Variants in GAREM1 observed in about 807,000 individuals in gnomAD.
GAREM1 encodes GRB2-associated and regulator of MAPK protein 1.
A neutral mutation model predicts 71.3 loss-of-function variants in GAREM1; 26 were observed. The observed-to-expected ratio is 0.36, with a 90% CI of 0.27 to 0.51. The LOEUF is 0.51. Ranked by LOEUF, GAREM1 falls within the 20% of genes least tolerant of loss-of-function variation. The pLI, the probability that GAREM1 is intolerant of heterozygous loss-of-function variation, is 0.95. For missense variants in GAREM1, 1,026 were observed against 1,103.1 expected (o/e 0.93, Z 0.99); for synonymous variants, 440 against 433.2 (o/e 1.02, Z -0.20).
intron 2 of GAREM1, among the ~76,000 whole-genome samples, chr18:32,378,053 T>TGC (rs1567986665): frequency 2.8e-5 from 4 of 141,666 alleles, no homozygotes; most frequent in South Asian, 2.2e-4. Context: ...TGTGTGTGTG[T>TGC]GTGTGCGCGC....
At chr18:32,314,755 A>G (rs915807371) in intron 2 of GAREM1, among the ~76,000 whole-genome samples, 1 of 151,836 alleles carries the variant, frequency 6.6e-6, no homozygotes, top group African/African-American at 2.4e-5. Context: ...TGCCTGGCTA[A>G]TTTTTGTATT....
At chr18:32,455,659 A>C (rs953447416) in intron 1 of GAREM1, among the ~76,000 whole-genome samples, 1 of 152,182 alleles carries the variant, frequency 6.6e-6, no homozygotes, top group Non-Finnish European at 1.5e-5. Flanking sequence ...ACCAGGGTAC[A>C]TGGGCTTCAA....
chr18:32,397,041 A>T (rs1241747187), intron 1 of GAREM1, among the ~76,000 whole-genome samples: 1 of 152,232 alleles, frequency 6.6e-6, no homozygotes, highest in East Asian at 1.9e-4. Context: ...CCAGAATTTC[A>T]TATCTAGTCA....
chr18:32,381,993 A>C (rs904333916), intron 2 of GAREM1, among the ~76,000 whole-genome samples: 3 of 152,148 alleles, frequency 2.0e-5, no homozygotes, highest in African/African-American at 7.2e-5. Context: ...AGCACTCACA[A>C]TCACCATTCC....
intron 3 of GAREM1, among the ~76,000 whole-genome samples, chr18:32,294,373 A>G (rs1225345684): frequency 6.6e-6 from 1 of 152,240 alleles, no homozygotes; most frequent in Non-Finnish European, 1.5e-5. Context: ...GAATCTGGCT[A>G]AAGTGATAGG....
chr18:32,278,779 A>G (rs1027441964), intron 4 of GAREM1, among the ~76,000 whole-genome samples: 20 of 152,256 alleles, frequency 1.3e-4, no homozygotes, highest in African/African-American at 4.8e-4. Flanking sequence ...AAGTTTTATA[A>G]TGACAAAGTA....
At chr18:32,381,925 G>A (rs1274949741) in intron 2 of GAREM1, among the ~76,000 whole-genome samples, 1 of 152,118 alleles carries the variant, frequency 6.6e-6, no homozygotes, top group African/African-American at 2.4e-5. Flanking sequence ...CCCACTCCTA[G>A]ACAGCTGTCA....
chr18:32,266,140 T>C lies in GAREM1; in HGVS notation c.*1731A>G, dbSNP rs1473378523. The C allele has an allele frequency of 6.6e-6, 1 of 151,868 alleles. No homozygotes were observed. The highest frequency in any genetic ancestry group is 6.6e-5 in the Admixed American group (1 of 15,248). The allele number at this position is 151,868 out of a possible 1,614,324, so 9.4% of individuals were successfully genotyped here. ...AGAAAAAAAATGCTTTTTTTTTTGA[T>C]AAAGGAGATCTAAGATGGAAAATTG... On this transcript the variant is annotated 3_prime_UTR_variant, in exon 6 of 6. Transcript: ENST00000269209.
intron 1 of GAREM1, among the ~76,000 whole-genome samples, chr18:32,418,732 T>C (rs1406012212): frequency 2.6e-5 from 4 of 151,428 alleles, no homozygotes; most frequent in Non-Finnish European, 5.9e-5. Flanking sequence ...AAGAAACGAG[T>C]AGGGTTCTCT....
intron 1 of GAREM1, among the ~76,000 whole-genome samples, chr18:32,402,721 T>A (rs1270455687): frequency 1.3e-5 from 2 of 152,136 alleles, no homozygotes; most frequent in Non-Finnish European, 2.9e-5. Context: ...TAACTTTTAT[T>A]CGGAGTCCTA....
At chr18:32,460,944 A>G (rs2048949575) in intron 1 of GAREM1, among the ~76,000 whole-genome samples, 1 of 152,208 alleles carries the variant, frequency 6.6e-6, no homozygotes, top group Non-Finnish European at 1.5e-5. Flanking sequence ...AAGGTGAAAA[A>G]TCGAAAAATG....
rs1438189881 is a variant in GAREM1, at chr18:32,364,022, A to T, written c.262+28873T>A. Among the ~76,000 whole-genome samples, 375 of 52,042 alleles carry T rather than the reference A, an allele frequency of 7.2e-3. 16 individuals are homozygous for T. Among genetic ancestry groups the T allele is most frequent in the African/African-American group, 0.038 (258 of 6,856 alleles). 34.1% of individuals were successfully genotyped at this position (52,042 alleles called of 152,430 possible). ...TATATATATATATATATATATATAT[A>T]TATATGTTTTTTTTTTTTTTTTTTT... On this transcript the variant is annotated intron_variant, in intron 2 of 5. Transcript: ENST00000269209.
intron 3 of GAREM1, among the ~76,000 whole-genome samples, chr18:32,297,630 T>C (rs763389053): frequency 1.6e-4 from 24 of 152,258 alleles, no homozygotes; most frequent in African/African-American, 2.7e-4. Context: ...TTATTGACTA[T>C]GTTATCCCAG....
At chr18:32,435,321 T>C (rs2048664924) in intron 1 of GAREM1, among the ~76,000 whole-genome samples, 1 of 152,146 alleles carries the variant, frequency 6.6e-6, no homozygotes, top group African/African-American at 2.4e-5. Context: ...TACTTAGTAC[T>C]AATGAACGAA....
intron 2 of GAREM1, among the ~76,000 whole-genome samples, chr18:32,316,142 C>G (rs1288053661): frequency 1.3e-5 from 2 of 152,022 alleles, no homozygotes; most frequent in Admixed American, 1.3e-4. Context: ...TACATGGGAG[C>G]ATGTATAAGA....
intron 1 of GAREM1, among the ~76,000 whole-genome samples, chr18:32,414,053 T>C (rs2048444679): frequency 6.6e-6 from 1 of 152,206 alleles, no homozygotes; most frequent in Admixed American, 6.5e-5. Flanking sequence ...ACAAGTGTAT[T>C]GTACACACAT....
intron 2 of GAREM1, among the ~76,000 whole-genome samples, chr18:32,339,958 A>G (rs760284200): frequency 3.3e-5 from 5 of 152,054 alleles, no homozygotes; most frequent in Non-Finnish European, 7.4e-5. Flanking sequence ...TGGAGTGACC[A>G]CTCTAAAATG....
chr18:32,465,099 G>T (rs1293993400), intron 1 of GAREM1, among the ~76,000 whole-genome samples: 1 of 152,116 alleles, frequency 6.6e-6, no homozygotes, highest in African/African-American at 2.4e-5. Flanking sequence ...AAGGTCTCTT[G>T]GCTCCAAATC....
intron 1 of GAREM1, among the ~76,000 whole-genome samples, chr18:32,453,127 T>TA (rs2048856010): frequency 6.6e-6 from 1 of 151,954 alleles, no homozygotes; most frequent in African/African-American, 2.4e-5. Context: ...AGGCACGTCT[T>TA]ACGCGGCCGC....
Sources: allele counts gnomAD v4.1 joint callset (sites outside exome capture counted in the v4.1 genomes callset), GRCh38; gene constraint gnomAD v4.1.1; transcripts MANE v1.5; gene names NCBI Gene and HGNC (gene_info 2026-07-23, HGNC 2026-07-21).